PDE1C: variants seen among roughly 807,000 people sequenced by gnomAD.
The protein encoded by PDE1C is dual specificity calcium/calmodulin-dependent 3',5'-cyclic nucleotide phosphodiesterase 1C.
A neutral mutation model predicts 93.1 loss-of-function variants in PDE1C; 62 were observed. That is an observed-to-expected ratio of 0.67 (90% CI 0.54 to 0.82). The LOEUF is 0.82. Ranked by LOEUF, PDE1C falls within the 40% of genes least tolerant of loss-of-function variation. The pLI, the probability that PDE1C is intolerant of heterozygous loss-of-function variation, is 0.00. For missense variants in PDE1C, 742 were observed against 884.6 expected (o/e 0.84, Z 2.04); for synonymous variants, 325 against 310.1 (o/e 1.05, Z -0.50).
At chr7:31,857,360 G>A (rs1430845361) in intron 7 of PDE1C, among the ~76,000 whole-genome samples, 2 of 151,912 alleles carry the variant, frequency 1.3e-5, no homozygotes, top group Non-Finnish European at 2.9e-5. Flanking sequence ...CCTATATATC[G>A]CAGTGGCCAT....
chr7:31,945,181 T>G (rs1426741194), intron 2 of PDE1C, among the ~76,000 whole-genome samples: 1 of 152,182 alleles, frequency 6.6e-6, no homozygotes, highest in Non-Finnish European at 1.5e-5. Flanking sequence ...TCTCATCCCA[T>G]AGGACATTGC....
In PDE1C at chr7:32,211,265, T is replaced by C. The variant is rs1339450129; in HGVS notation, c.86-1726A>G. Among the ~76,000 whole-genome samples, 5 of 152,158 alleles carry C rather than the reference T, an allele frequency of 3.3e-5. No individual in the cohort carries two copies. In the East Asian group the frequency reaches 9.6e-4, roughly 29 times the overall value. Reference sequence around the variant, plus strand: ...ACTACACTCTGCACCAAATACATTTTAAAAGAAAAGATTTCCATTTCAAAA... The same window carrying C: ...ACTACACTCTGCACCAAATACATTTCAAAAGAAAAGATTTCCATTTCAAAA... On this transcript the variant is annotated intron_variant, in intron 1 of 18. Transcript: ENST00000396193.
At chr7:31,839,417 GACACAC>G (rs145936818) in intron 9 of PDE1C, among the ~76,000 whole-genome samples, 1 of 139,322 alleles carries the variant, frequency 7.2e-6, no homozygotes, top group East Asian at 2.1e-4. Context: ...TATATACATA[GACACAC>G]ACACACACAC....
At chr7:32,082,040 G>A (rs1384522436) in intron 3 of PDE1C, among the ~76,000 whole-genome samples, 11 of 152,374 alleles carry the variant, frequency 7.2e-5, no homozygotes, top group Middle Eastern at 3.4e-3. Context: ...CACCATGCGC[G>A]AGCCAAAGCA....
At chr7:32,340,830 G>A (rs1443396259) in intron 1 of PDE1C, among the ~76,000 whole-genome samples, 1 of 152,168 alleles carries the variant, frequency 6.6e-6, no homozygotes, top group Non-Finnish European at 1.5e-5. Flanking sequence ...GGTTAGTAAG[G>A]GTTGGGGTGG....
At chr7:32,391,261 G>C (rs934735625) in intron 1 of PDE1C, among the ~76,000 whole-genome samples, 5 of 151,574 alleles carry the variant, frequency 3.3e-5, no homozygotes, top group Non-Finnish European at 7.4e-5. Flanking sequence ...TATTACCAGA[G>C]CAAAAAAAAG....
chr7:31,833,092 T>G (rs1165178201), intron 11 of PDE1C, among the ~76,000 whole-genome samples: 1 of 152,196 alleles, frequency 6.6e-6, no homozygotes, highest in African/African-American at 2.4e-5. Flanking sequence ...TCCTCCATAC[T>G]GTTTTCATGA....
Position 32,078,440 on chromosome 7 carries a change from T to A in PDE1C, c.308+91345A>T, listed in dbSNP as rs561685235. 4.6e-5 allele frequency among the ~76,000 whole-genome samples: 7 copies of A among 152,242 alleles called. No individual in the cohort carries two copies. The South Asian group carries it at 1.5e-3, about 32-fold the overall frequency. On this transcript the variant is annotated intron_variant, in intron 3 of 18. Coordinates refer to the PDE1C transcript ENST00000396193. Reference sequence around the variant, plus strand: ...CTAAAAAGCATAGGCTGTTGGTAAATGCTTCTTGAAGAAAGGAGGTCTCTT... The same window carrying A: ...CTAAAAAGCATAGGCTGTTGGTAAAAGCTTCTTGAAGAAAGGAGGTCTCTT...
intron 2 of PDE1C, among the ~76,000 whole-genome samples, chr7:31,991,498 T>A (rs1425425120): frequency 6.6e-6 from 1 of 152,204 alleles, no homozygotes; most frequent in Admixed American, 6.5e-5. Flanking sequence ...TCTCTTTGCC[T>A]TCACATAGTT....
intron 2 of PDE1C, among the ~76,000 whole-genome samples, chr7:31,886,820 G>A (rs113204996): frequency 0.024 from 1,063 of 43,864 alleles, 7 homozygotes; most frequent in Middle Eastern, 0.087. Flanking sequence ...AGATCTTTTC[G>A]GATCTTTTCA....
At chr7:31,891,747 G>A (rs1798660963) in intron 2 of PDE1C, among the ~76,000 whole-genome samples, 1 of 151,880 alleles carries the variant, frequency 6.6e-6, no homozygotes, top group Non-Finnish European at 1.5e-5. Flanking sequence ...CCTTGACTGT[G>A]GTGGTGGTTG....
At chr7:32,019,211 C>T (rs1453673316) in intron 2 of PDE1C, among the ~76,000 whole-genome samples, 1 of 149,224 alleles carries the variant, frequency 6.7e-6, no homozygotes, top group Non-Finnish European at 1.5e-5. Context: ...AAGCACAAGG[C>T]TGCGTGGTAA....
At chr7:32,068,589 G>A (rs933699541) in intron 1 of PDE1C, among the ~76,000 whole-genome samples, 1 of 151,336 alleles carries the variant, frequency 6.6e-6, no homozygotes, top group Admixed American at 6.6e-5. Context: ...ACATTACACT[G>A]CAACACCTTG....
intron 1 of PDE1C, 39 bp downstream of exon 1, chr7:32,070,254 G>A (rs746540541): frequency 3.7e-6 from 6 of 1,613,174 alleles, no homozygotes; most frequent in Non-Finnish European, 5.1e-6. Flanking sequence ...AAGGATGGGA[G>A]CGGGAAATGG....
At chr7:31,848,191 T>C in intron 8 of PDE1C, 95 bp from the exon 9 acceptor site, 1 of 1,251,010 alleles carries the variant, frequency 8.0e-7, no homozygotes, top group Non-Finnish European at 1.1e-6. Context: ...CTTTTTTCCA[T>C]GTTTAGAAAT....
At chr7:32,037,102 A>G (rs1235745752) in intron 2 of PDE1C, among the ~76,000 whole-genome samples, 1 of 152,148 alleles carries the variant, frequency 6.6e-6, no homozygotes, top group Non-Finnish European at 1.5e-5. Context: ...AAAAGGGGGG[A>G]TCACATCTCA....
At chr7:31,837,426 T>A (rs970375035) in intron 10 of PDE1C, 126 bp from the exon 11 acceptor site, 5 of 861,076 alleles carry the variant, frequency 5.8e-6, no homozygotes, top group Non-Finnish European at 8.3e-6. Flanking sequence ...TTCAGCTAAA[T>A]TGAGGAAAAG....
At chr7:32,032,249 T>C (rs1790431851) in intron 2 of PDE1C, among the ~76,000 whole-genome samples, 1 of 152,084 alleles carries the variant, frequency 6.6e-6, no homozygotes, top group Non-Finnish European at 1.5e-5. Flanking sequence ...AAAGGTTATT[T>C]TGGAGGAGGA....
At chr7:31,774,137 A>G (rs6965603) in intron 17 of PDE1C, among the ~76,000 whole-genome samples, 50,902 of 151,944 alleles carry the variant, frequency 0.34, 8,987 homozygotes, top group African/African-American at 0.43. Context: ...TTCATGTACA[A>G]CCAAGAAAAA....
Sources: gnomAD v4.1 joint callset for allele counts (sites outside exome capture counted in the v4.1 genomes callset) on GRCh38, gnomAD v4.1.1 for gene constraint, MANE v1.5 for transcripts, NCBI Gene and HGNC (gene_info 2026-07-23, HGNC 2026-07-21) for gene names.